Variants in DOK7 observed in about 807,000 individuals in gnomAD.
DOK7 encodes the protein protein Dok-7.
Under a neutral mutation model 30.7 loss-of-function variants are expected in DOK7, and 32 were observed. The ratio of observed to expected loss-of-function variants is 1.04; its 90% confidence interval spans 0.79 to 1.40. DOK7 has a LOEUF of 1.40. DOK7 is among the 40% of genes most tolerant of loss of function. The pLI is 0.00. For synonymous variants in DOK7, 447 were observed against 324.1 expected (o/e 1.38, Z -4.07); for missense variants, 1,007 against 699.2 (o/e 1.44, Z -4.97).
At chr4:3,471,275 A>G (rs1037024417) in intron 2 of DOK7, among the ~76,000 whole-genome samples, 2 of 152,246 alleles carry the variant, frequency 1.3e-5, no homozygotes, top group African/African-American at 2.4e-5. Flanking sequence ...GCATTGCTGC[A>G]GGTGGGGGTG....
intron 2 of DOK7, 109 bp downstream of exon 2, chr4:3,463,660 C>A: frequency 2.2e-6 from 3 of 1,391,932 alleles, no homozygotes; most frequent in Non-Finnish European, 2.9e-6. Flanking sequence ...GTCACCCCGC[C>A]GGGAAACCCG....
At chr4:3,480,982 G>A (rs1423156349) in intron 4 of DOK7, among the ~76,000 whole-genome samples, 1 of 152,172 alleles carries the variant, frequency 6.6e-6, no homozygotes, top group Non-Finnish European at 1.5e-5. Flanking sequence ...AGGGTGAATA[G>A]GAGTTAGCTC....
Position 3,473,651 on chromosome 4 carries a change from C to A in DOK7, c.331+15C>A. On this transcript the variant is annotated intron_variant, in intron 3 of 6. Coordinates refer to ENST00000340083, the MANE Select transcript of DOK7 (RefSeq NM_173660.5). ...GCTCGGCGAGGGTGAGTGACGGGGGCCGGGGCCGGGCGGGGGCTCCCCGTT... is the reference window on the plus strand; with the variant it reads ...GCTCGGCGAGGGTGAGTGACGGGGGACGGGGCCGGGCGGGGGCTCCCCGTT... The A allele has an allele frequency of 1.3e-6, 2 of 1,535,488 alleles. No individual in the cohort carries two copies. Among genetic ancestry groups the A allele is most frequent in the Non-Finnish European group, 1.8e-6 (2 of 1,134,752 alleles).
chr4:3,493,585 A>C lies in DOK7; in HGVS notation c.*84A>C. The C allele has an allele frequency of 1.3e-6, 2 of 1,554,930 alleles. No homozygotes were observed. The highest frequency in any genetic ancestry group is 2.4e-5 in the South Asian group (2 of 84,878). On this transcript the variant is annotated 3_prime_UTR_variant, in exon 7 of 7. Transcript: ENST00000340083. ...GGAAGTGGCGCCAGCCTCCTTGCAG[A>C]CTGGTGCTCTGTGTTCTGTGGGAGG... is the stretch of plus-strand genomic sequence containing the variant.
chr4:3,487,809 G>A (rs988356226), intron 5 of DOK7, among the ~76,000 whole-genome samples: 2 of 152,230 alleles, frequency 1.3e-5, no homozygotes, highest in African/African-American at 4.8e-5. Context: ...CGTCCCACCT[G>A]TGGGGCATTG....
chr4:3,486,632 C>G (rs1727812053), intron 5 of DOK7, among the ~76,000 whole-genome samples: 3 of 152,208 alleles, frequency 2.0e-5, no homozygotes, highest in African/African-American at 7.2e-5. Flanking sequence ...AGCGCCCTCC[C>G]CGCTGCCCTG....
chr4:3,468,519 A>ACTGTGCGT (rs1560205354), intron 2 of DOK7, among the ~76,000 whole-genome samples: 1 of 94,106 alleles, frequency 1.1e-5, no homozygotes, highest in African/African-American at 5.3e-5. Flanking sequence ...TGCGTGTATG[A>ACTGTGCGT]GTGTGTGTGA....
intron 2 of DOK7, among the ~76,000 whole-genome samples, chr4:3,468,175 CCT>C (rs2109322095): frequency 6.9e-6 from 1 of 144,226 alleles, no homozygotes; most frequent in Admixed American, 6.8e-5. Context: ...CATGTGAATA[CCT>C]GTGTGTGGGG....
chr4:3,483,548 T>C (rs1209535839), intron 4 of DOK7, among the ~76,000 whole-genome samples: 1 of 152,106 alleles, frequency 6.6e-6, no homozygotes, highest in Non-Finnish European at 1.5e-5. Context: ...AGGCTGGCGG[T>C]GGGCTGTGCT....
exon 8 of DOK7, chr4:3,501,045 T>A: frequency 1.5e-6 from 1 of 683,578 alleles, no homozygotes; most frequent in Non-Finnish European, 2.3e-6. Context: ...CCCTTCGGCC[T>A]GAAAGAGTTG....
chr4:3,474,887 G>A (rs145321686), intron 3 of DOK7, among the ~76,000 whole-genome samples: 3,470 of 152,014 alleles, frequency 0.023, 126 homozygotes, highest in African/African-American at 0.079. Flanking sequence ...CCTCTAGCCT[G>A]GGCGACAGAG....
chr4:3,494,791 G>C (rs575806466), downstream of DOK7, among the ~76,000 whole-genome samples: 7 of 152,214 alleles, frequency 4.6e-5, no homozygotes, highest in Admixed American at 2.0e-4. Context: ...CTCAGGTCCC[G>C]GTGAGGGCGG....
intron 2 of DOK7, among the ~76,000 whole-genome samples, chr4:3,467,460 C>G (rs867352917): frequency 2.2e-5 from 3 of 135,442 alleles, no homozygotes; most frequent in Admixed American, 7.2e-5. Flanking sequence ...CCCCCCCCCC[C>G]CACCCCAGAC....
intron 2 of DOK7, 97 bp downstream of exon 2, chr4:3,463,648 C>G: frequency 6.9e-7 from 1 of 1,439,512 alleles, no homozygotes; most frequent in South Asian, 1.2e-5. Context: ...ATCGCCGCCG[C>G]TGTCACCCCG....
At chr4:3,495,917 G>A (rs1197887370), downstream of DOK7, among the ~76,000 whole-genome samples, 1 of 152,182 alleles carries the variant, frequency 6.6e-6, no homozygotes. Context: ...AGGGGGCCTC[G>A]TGTGAGGGTC....
chr4:3,488,000 C>T (rs1431220955), intron 5 of DOK7, among the ~76,000 whole-genome samples: 2 of 152,240 alleles, frequency 1.3e-5, no homozygotes, highest in African/African-American at 4.8e-5. Context: ...AGCCGTGTGG[C>T]CTGTGGGCTC....
At chr4:3,491,230 C>T (rs1282483777) in intron 6 of DOK7, among the ~76,000 whole-genome samples, 3 of 111,406 alleles carry the variant, frequency 2.7e-5, no homozygotes, top group African/African-American at 7.2e-5. Context: ...CCTTCTCCCG[C>T]TGCTCTTTCA....
At chr4:3,499,233 G>T (rs927936646), downstream of DOK7, among the ~76,000 whole-genome samples, 1 of 152,154 alleles carries the variant, frequency 6.6e-6, no homozygotes, top group African/African-American at 2.4e-5. Context: ...GCTGTCACCC[G>T]CTGGATCCCA....
intron 4 of DOK7, among the ~76,000 whole-genome samples, chr4:3,477,918 G>A (rs1297226694): frequency 1.3e-5 from 2 of 152,206 alleles, no homozygotes; most frequent in Non-Finnish European, 2.9e-5. Context: ...GCAGGCCAGA[G>A]GTTCAGTACT....
Sources: gnomAD v4.1 joint callset for allele counts (sites outside exome capture counted in the v4.1 genomes callset) on GRCh38, gnomAD v4.1.1 for gene constraint, MANE v1.5 for transcripts, NCBI Gene and HGNC (gene_info 2026-07-23, HGNC 2026-07-21) for gene names.